Variants in CNTN1 observed in about 807,000 individuals in gnomAD.
The protein encoded by CNTN1 is contactin-1.
CNTN1 carries 38 observed loss-of-function variants against 126.4 expected under a neutral mutation model. The observed-to-expected ratio is 0.30, with a 90% CI of 0.23 to 0.39. The LOEUF (loss-of-function observed/expected upper bound fraction) is 0.39, where lower values mean the gene tolerates loss of function less well. Ranked by LOEUF, CNTN1 falls within the 10% of genes least tolerant of loss-of-function variation. The pLI is 1.00. For missense variants in CNTN1, 1,009 were observed against 1,248.4 expected (o/e 0.81, Z 2.89); for synonymous variants, 413 against 422.6 (o/e 0.98, Z 0.28).
chr12:40,877,336 C>T (rs571469419), intron 1 of CNTN1, among the ~76,000 whole-genome samples: 1 of 152,256 alleles, frequency 6.6e-6, no homozygotes, highest in South Asian at 2.1e-4. Context: ...TGGCATAGGT[C>T]CTGAGAGATG....
At chr12:40,859,127 G>A (rs1943027650) in intron 1 of CNTN1, among the ~76,000 whole-genome samples, 2 of 151,918 alleles carry the variant, frequency 1.3e-5, no homozygotes, top group African/African-American at 2.4e-5. Flanking sequence ...ATGTACCCCA[G>A]AACTTAAAAT....
intron 1 of CNTN1, among the ~76,000 whole-genome samples, chr12:40,723,086 G>T (rs1942260083): frequency 6.6e-6 from 1 of 152,142 alleles, no homozygotes; most frequent in Non-Finnish European, 1.5e-5. Flanking sequence ...CCGCCATAGA[G>T]AGCTGTTAGA....
chr12:40,717,410 A>C (rs1942076592), intron 1 of CNTN1, among the ~76,000 whole-genome samples: 2 of 152,204 alleles, frequency 1.3e-5, no homozygotes, highest in Admixed American at 1.3e-4. Context: ...GCTTTGAAGA[A>C]TGTCATAGGG....
In CNTN1 at chr12:41,004,278, A is replaced by G. The variant is rs200909577; in HGVS notation, c.2114-9950A>G. On this transcript the variant is annotated intron_variant, in intron 17 of 23. Transcript: ENST00000551295. ...GAGTGAATTTCATTCTTGATTTCTA[A>G]TTTGATTTTGCTGTGGTCCAAGAGA... is the stretch of plus-strand genomic sequence containing the variant. Among the ~76,000 whole-genome samples, 31 of 152,116 alleles carry G rather than the reference A, an allele frequency of 2.0e-4. No individual in the cohort carries two copies. The East Asian group carries it at 3.7e-3, about 18-fold the overall frequency.
intron 15 of CNTN1, among the ~76,000 whole-genome samples, chr12:40,962,034 C>A (rs915602260): frequency 4.6e-5 from 7 of 152,024 alleles, no homozygotes; most frequent in Non-Finnish European, 1.0e-4. Flanking sequence ...GGACAGTAAA[C>A]ACAGTAGAGG....
intron 1 of CNTN1, among the ~76,000 whole-genome samples, chr12:40,834,719 A>G (rs537614235): frequency 6.6e-6 from 1 of 152,258 alleles, no homozygotes; most frequent in African/African-American, 2.4e-5. Context: ...AACAACTACA[A>G]TTGTCCCTTT....
intron 1 of CNTN1, among the ~76,000 whole-genome samples, chr12:40,825,116 A>G (rs1423689413): frequency 6.6e-6 from 1 of 152,176 alleles, no homozygotes; most frequent in African/African-American, 2.4e-5. Flanking sequence ...TAGAAGGTAC[A>G]CAATAAATAT....
rs3794250 is a variant in CNTN1, at chr12:41,028,252, G to A, written c.2823+283G>A. 0.24 allele frequency among the ~76,000 whole-genome samples: 36,176 copies of A among 151,802 alleles called. 4,418 individuals carry two copies. The highest frequency in any genetic ancestry group is 0.28 in the Middle Eastern group (83 of 294). ...TCACCGTCTTGGCCAGGGTGGTCTC[G>A]AACTCCTGACCCCAAATTATCCACC... On this transcript the variant is annotated intron_variant, in intron 22 of 23. Transcript: ENST00000551295.
At chr12:40,822,951 C>G (rs1941498889) in intron 1 of CNTN1, among the ~76,000 whole-genome samples, 1 of 152,052 alleles carries the variant, frequency 6.6e-6, no homozygotes, top group Non-Finnish European at 1.5e-5. Flanking sequence ...ATCTTTATGT[C>G]CACGTGTACC....
At chr12:40,905,573 C>T (rs1390095245) in intron 1 of CNTN1, among the ~76,000 whole-genome samples, 1 of 152,040 alleles carries the variant, frequency 6.6e-6, no homozygotes, top group Non-Finnish European at 1.5e-5. Flanking sequence ...CTCTGTCACT[C>T]AGGCTGGAGT....
At position 41,010,086 on chromosome 12, in the gene CNTN1, G is replaced by A. The variant is rs183956781; in HGVS notation, c.2114-4142G>A. Among the ~76,000 whole-genome samples, 448 of 152,228 alleles carry A rather than the reference G, an allele frequency of 2.9e-3. 1 individual carries two copies. Among genetic ancestry groups the A allele is most frequent in the Admixed American group, 6.6e-3 (101 of 15,294 alleles). On this transcript the variant is annotated intron_variant, in intron 17 of 23. Coordinates refer to ENST00000551295, the MANE Select transcript of CNTN1 (RefSeq NM_001843.4). The stretch of plus-strand genomic sequence containing the variant: ...GATGCCTGGTCATGCTACAGAAAGA[G>A]GGGAGGCCTGGATTAGAGAGGAGAA...
At chr12:41,036,264 G>C (rs1949260066) in intron 23 of CNTN1, among the ~76,000 whole-genome samples, 1 of 152,134 alleles carries the variant, frequency 6.6e-6, no homozygotes, top group African/African-American at 2.4e-5. Flanking sequence ...GGTGGCAGGA[G>C]AGTCTGGAGG....
chr12:40,983,992 A>G (rs1030214796), intron 16 of CNTN1, among the ~76,000 whole-genome samples: 2 of 143,976 alleles, frequency 1.4e-5, no homozygotes, highest in African/African-American at 5.0e-5. Flanking sequence ...TATGATATTA[A>G]TATTTAGTAA....
intron 18 of CNTN1, among the ~76,000 whole-genome samples, chr12:41,015,417 T>C (rs987481445): frequency 1.3e-5 from 2 of 152,160 alleles, no homozygotes; most frequent in African/African-American, 2.4e-5. Context: ...TTTCTGGAGA[T>C]AGAGCCCGAG....
chr12:41,053,368 A>G (rs1348800404), intron 23 of CNTN1, among the ~76,000 whole-genome samples: 2 of 144,384 alleles, frequency 1.4e-5, no homozygotes, highest in Admixed American at 7.0e-5. Context: ...TTTGATGTAG[A>G]GGAAAAAGTA....
chr12:41,023,792 C>A (rs1359728704), intron 20 of CNTN1, among the ~76,000 whole-genome samples: 4 of 152,198 alleles, frequency 2.6e-5, no homozygotes, highest in Non-Finnish European at 5.9e-5. Flanking sequence ...TTGGAGAAGA[C>A]ATCCGTTTTG....
intron 6 of CNTN1, 28 bp downstream of exon 6, chr12:40,924,680 G>T (rs969909359): frequency 3.3e-6 from 4 of 1,226,430 alleles, no homozygotes; most frequent in Non-Finnish European, 3.6e-6. Context: ...CTGACTATTA[G>T]CATCTATGAA....
intron 6 of CNTN1, among the ~76,000 whole-genome samples, chr12:40,928,408 A>G (rs1945766612): frequency 1.3e-5 from 2 of 152,054 alleles, no homozygotes; most frequent in African/African-American, 4.8e-5. Flanking sequence ...ATTTTCCTAT[A>G]CTAATTATCC....
intron 6 of CNTN1, among the ~76,000 whole-genome samples, chr12:40,926,222 T>TAG (rs1945690539): frequency 4.0e-5 from 6 of 150,948 alleles, no homozygotes; most frequent in South Asian, 2.1e-4. Flanking sequence ...GATAGATAGA[T>TAG]ATAATGCAGG....
Sources: allele counts gnomAD v4.1 joint callset (sites outside exome capture counted in the v4.1 genomes callset), GRCh38; gene constraint gnomAD v4.1.1; transcripts MANE v1.5; gene names NCBI Gene and HGNC (gene_info 2026-07-23, HGNC 2026-07-21).